LPP: variants seen among roughly 807,000 people sequenced by gnomAD.
The protein encoded by LPP is lipoma-preferred partner.
A neutral mutation model predicts 60.4 loss-of-function variants in LPP; 38 were observed. That is an observed-to-expected ratio of 0.63 (90% confidence interval 0.49 to 0.83). The LOEUF (loss-of-function observed/expected upper bound fraction) is 0.83. LPP is among the 40% of genes least tolerant of loss of function. LPP has a pLI of 0.00. For missense variants in LPP, 902 were observed against 783.6 expected, an observed-to-expected ratio of 1.15 and a Z score of -1.80; for synonymous variants, 328 against 290.8, an observed-to-expected ratio of 1.13 and a Z score of -1.30.
intron 7 of LPP, among the ~76,000 whole-genome samples, chr3:188,662,065 T>C (rs1243258182): frequency 1.3e-5 from 2 of 152,188 alleles, no homozygotes; most frequent in Non-Finnish European, 2.9e-5. Context: ...AAGGGAGAAA[T>C]GTTGACTCAA....
intron 3 of LPP, among the ~76,000 whole-genome samples, chr3:188,374,825 A>G (rs1259773937): frequency 6.6e-6 from 1 of 152,090 alleles, no homozygotes; most frequent in Admixed American, 6.5e-5. Flanking sequence ...CCCATTCAGT[A>G]TGATATTGGC....
chr3:188,524,582 C>A, intron 5 of LPP, 83 bp from the exon 6 acceptor site: 3 of 1,422,042 alleles, frequency 2.1e-6, no homozygotes, highest in Admixed American at 2.5e-5. Context: ...TGGACAAAGC[C>A]ACATTATAAC....
At chr3:188,350,812 G>A (rs1765638708) in intron 3 of LPP, among the ~76,000 whole-genome samples, 1 of 152,128 alleles carries the variant, frequency 6.6e-6, no homozygotes. Context: ...GATGTTAAGG[G>A]AATCTAAGAC....
chr3:188,747,652 A>G (rs1039862051), intron 8 of LPP, among the ~76,000 whole-genome samples: 2 of 152,330 alleles, frequency 1.3e-5, no homozygotes, highest in African/African-American at 4.8e-5. Flanking sequence ...GCATAGTCCC[A>G]GTGGGAAGTA....
At chr3:188,734,673 G>A (rs1721870857) in intron 8 of LPP, among the ~76,000 whole-genome samples, 4 of 152,184 alleles carry the variant, frequency 2.6e-5, no homozygotes, top group Admixed American at 2.6e-4. Flanking sequence ...CCTTCCCTGG[G>A]GAATTTTGAG....
intron 1 of LPP, among the ~76,000 whole-genome samples, chr3:188,186,923 A>G (rs1054323832): frequency 1.3e-5 from 2 of 152,110 alleles, no homozygotes; most frequent in Non-Finnish European, 2.9e-5. Flanking sequence ...TTACATTTCT[A>G]CTTTTATTCT....
chr3:188,371,469 T>C (rs1319889759), intron 3 of LPP, among the ~76,000 whole-genome samples: 1 of 150,816 alleles, frequency 6.6e-6, no homozygotes, highest in Non-Finnish European at 1.5e-5. Context: ...GACATGCCAC[T>C]GGAACTGTGG....
intron 7 of LPP, among the ~76,000 whole-genome samples, chr3:188,661,129 A>G (rs1854487050): frequency 6.6e-6 from 1 of 152,184 alleles, no homozygotes; most frequent in Non-Finnish European, 1.5e-5. Context: ...ACTGAATAAT[A>G]TACATTCAAG....
In LPP at chr3:188,814,950, G is replaced by A. The variant is rs551578411; in HGVS notation, c.1411-51250G>A. On this transcript the variant is annotated intron_variant, in intron 9 of 11. Transcript: ENST00000617246. ...CAAGACTCAGTGAATGCTCTTATCC[G>A]TAAAATGGGGACAATGATAATATGT... Among the ~76,000 whole-genome samples the A allele has an allele frequency of 6.6e-5, 10 of 152,214 alleles. 1 individual carries two copies. In the South Asian group the frequency reaches 1.2e-3, roughly 19 times the overall value.
At chr3:188,448,407 A>ATCTATATTG (rs1386729665) in intron 4 of LPP, among the ~76,000 whole-genome samples, 140 of 4,998 alleles carry the variant, frequency 0.028, no homozygotes, top group Middle Eastern at 0.17. Flanking sequence ...TATTTAGATA[A>ATCTATATTG]AGATATCTAT....
chr3:188,406,113 T>G lies in LPP; in HGVS notation c.-8T>G. 6.2e-7 allele frequency: 1 copy of G among 1,608,446 alleles called. No individual in the cohort carries two copies. The highest frequency in any genetic ancestry group is 8.5e-7 in the Non-Finnish European group (1 of 1,177,442). On this transcript the variant is annotated splice_region_variant and 5_prime_UTR_variant, in exon 4 of 12. Transcript: ENST00000617246. ...AACAGTGTTTCTTTTTCATTGCAGA[T>G]TCCAACAATGTCTCACCCATCTTGG...
intron 2 of LPP, among the ~76,000 whole-genome samples, chr3:188,232,010 G>A (rs1284002218): frequency 6.6e-6 from 1 of 152,170 alleles, no homozygotes; most frequent in Non-Finnish European, 1.5e-5. Flanking sequence ...AGACTGACAA[G>A]ACCAGACATA....
intron 4 of LPP, among the ~76,000 whole-genome samples, chr3:188,441,700 A>C (rs1212488892): frequency 1.6e-5 from 2 of 127,124 alleles, no homozygotes; most frequent in Admixed American, 1.0e-4. Context: ...GGCTCACTGC[A>C]AGCTCTGCCT....
intron 9 of LPP, among the ~76,000 whole-genome samples, chr3:188,809,864 G>GTGAGA (rs1214703886): frequency 6.6e-6 from 1 of 152,112 alleles, no homozygotes; most frequent in Non-Finnish European, 1.5e-5. Context: ...TGTGTAAGAT[G>GTGAGA]TGAGGAAGGG....
chr3:188,651,070 A>C (rs1303013439), intron 7 of LPP, among the ~76,000 whole-genome samples: 5 of 152,346 alleles, frequency 3.3e-5, no homozygotes, highest in African/African-American at 1.2e-4. Flanking sequence ...GTTTTGAAAC[A>C]CTCAGTCAAT....
At chr3:188,550,843 G>T (rs887559814) in intron 6 of LPP, among the ~76,000 whole-genome samples, 1 of 152,016 alleles carries the variant, frequency 6.6e-6, no homozygotes, top group Non-Finnish European at 1.5e-5. Context: ...AACCCATAGG[G>T]TTATGTTTTA....
intron 9 of LPP, among the ~76,000 whole-genome samples, chr3:188,802,006 G>GTATTTTATCT (rs1326606967): frequency 6.6e-6 from 1 of 151,844 alleles, no homozygotes; most frequent in Non-Finnish European, 1.5e-5. Flanking sequence ...AATATTTTTA[G>GTATTTTATCT]TATTTTATCT....
chr3:188,466,841 A>ATC (rs1560442091), intron 4 of LPP, among the ~76,000 whole-genome samples: 1 of 138,162 alleles, frequency 7.2e-6, no homozygotes, highest in Non-Finnish European at 1.6e-5. Flanking sequence ...ATATATATAT[A>ATC]TGCTGTGTAA....
chr3:188,434,714 G>A (rs1010518784), intron 4 of LPP, among the ~76,000 whole-genome samples: 16 of 152,264 alleles, frequency 1.1e-4, no homozygotes, highest in Admixed American at 7.8e-4. Flanking sequence ...AAGAAGCACC[G>A]GACTGGACTC....
Sources: gnomAD v4.1 joint callset for allele counts (sites outside exome capture counted in the v4.1 genomes callset) on GRCh38, gnomAD v4.1.1 for gene constraint, MANE v1.5 for transcripts, NCBI Gene and HGNC (gene_info 2026-07-23, HGNC 2026-07-21) for gene names.